NRXN3: variants seen among roughly 807,000 people sequenced by gnomAD.
The protein encoded by NRXN3 is neurexin 3, also known as neurexin III.
Under a neutral mutation model 137.6 loss-of-function variants are expected in NRXN3, and 32 were observed. The ratio of observed to expected loss-of-function variants is 0.23; its 90% CI spans 0.18 to 0.31. The LOEUF (loss-of-function observed/expected upper bound fraction) is 0.31. NRXN3 is among the 10% of genes least tolerant of loss of function. The probability of loss-of-function intolerance (pLI) is 1.00; values close to 1 mark genes in which losing one functional copy is unlikely to be tolerated. For synonymous variants in NRXN3, 798 were observed against 784.5 expected, an observed-to-expected ratio of 1.02 and a Z score of -0.29; for missense variants, 1,574 against 2,062.5, an observed-to-expected ratio of 0.76 and a Z score of 4.59.
At chr14:78,992,470 G>A (rs1016483400) in intron 15 of NRXN3, among the ~76,000 whole-genome samples, 1 of 152,174 alleles carries the variant, frequency 6.6e-6, no homozygotes, top group Non-Finnish European at 1.5e-5. Context: ...GTTCTTATTA[G>A]TATTTTAAAT....
At position 78,776,044 on chromosome 14, in the gene NRXN3, G is replaced by C. The variant is rs192211699; in HGVS notation, c.2045-27576G>C. On this transcript the variant is annotated intron_variant, in intron 8 of 20. Transcript: ENST00000335750. ...TTCACCAAGAACCAATGTTATATAT[G>C]ATCCAAGAGTCCACTTCAGTCACAC... Among the ~76,000 whole-genome samples the C allele has an allele frequency of 1.9e-4, 29 of 152,208 alleles. No homozygotes were observed. The East Asian group carries it at 5.6e-3, about 29-fold the overall frequency.
chr14:79,181,681 C>CAA (rs10658164), intron 15 of NRXN3, among the ~76,000 whole-genome samples: 33,060 of 97,108 alleles, frequency 0.34, 4,990 homozygotes, highest in Middle Eastern at 0.43. Flanking sequence ...GACCCTGTCT[C>CAA]AAAAAAAAAA....
At chr14:78,345,585 G>A (rs537771682) in intron 4 of NRXN3, among the ~76,000 whole-genome samples, 1 of 152,186 alleles carries the variant, frequency 6.6e-6, no homozygotes, top group East Asian at 1.9e-4. Flanking sequence ...CTTAACTGTG[G>A]GACTTAGGGA....
At position 78,200,839 on chromosome 14, in the gene NRXN3, A is replaced by G. The variant is rs151215619; in HGVS notation, c.-704+30165A>G. ...TTCCCCAGACTTCAGTGGGAGATCT[A>G]TTGTTTGATCATGGGGTTTGGCAGG... is the stretch of plus-strand genomic sequence containing the variant. On this transcript the variant is annotated intron_variant, in intron 1 of 20. Transcript: ENST00000335750. Among the ~76,000 whole-genome samples the G allele has an allele frequency of 1.0e-3, 159 of 152,208 alleles. 1 individual carries two copies. The highest frequency in any genetic ancestry group is 3.4e-3 in the Middle Eastern group (1 of 294).
chr14:78,434,180 G>A (rs912890124), intron 4 of NRXN3, among the ~76,000 whole-genome samples: 5 of 152,158 alleles, frequency 3.3e-5, no homozygotes, highest in Admixed American at 1.3e-4. Context: ...TCAAAGTAAG[G>A]TGACTACTGA....
chr14:78,632,659 CT>C (rs1408005849), intron 4 of NRXN3, among the ~76,000 whole-genome samples: 13 of 151,996 alleles, frequency 8.6e-5, no homozygotes, highest in Admixed American at 8.5e-4. Context: ...TTTCACAGGG[CT>C]TTTGTGAGGG....
intron 14 of NRXN3, among the ~76,000 whole-genome samples, chr14:78,987,267 G>A (rs2153065969): frequency 6.6e-6 from 1 of 152,182 alleles, no homozygotes; most frequent in South Asian, 2.1e-4. Flanking sequence ...CACTGGTATA[G>A]TCCACAGCAT....
intron 4 of NRXN3, among the ~76,000 whole-genome samples, chr14:78,379,352 A>G (rs1266604480): frequency 6.6e-6 from 1 of 152,220 alleles, no homozygotes. Flanking sequence ...AATATGACAC[A>G]CAATCTTTAA....
intron 4 of NRXN3, among the ~76,000 whole-genome samples, chr14:78,361,536 T>C (rs142187290): frequency 2.8e-4 from 42 of 152,338 alleles, no homozygotes; most frequent in African/African-American, 9.4e-4. Context: ...AGATCTCTTG[T>C]GCTATATTGA....
intron 4 of NRXN3, among the ~76,000 whole-genome samples, chr14:78,637,831 A>C (rs1245877495): frequency 6.6e-6 from 1 of 152,224 alleles, no homozygotes; most frequent in Non-Finnish European, 1.5e-5. Context: ...AATGTCAGCT[A>C]ATGATTTATA....
intron 1 of NRXN3, among the ~76,000 whole-genome samples, chr14:78,170,952 CTT>C (rs545853025): frequency 0.043 from 5,403 of 126,056 alleles, 106 homozygotes; most frequent in Non-Finnish European, 0.05. Flanking sequence ...TCTTCTTCTT[CTT>C]TTTTTTTTTT....
intron 1 of NRXN3, among the ~76,000 whole-genome samples, chr14:78,189,542 C>T (rs1010096698): frequency 3.3e-5 from 5 of 152,146 alleles, no homozygotes; most frequent in African/African-American, 1.2e-4. Context: ...CTCTCTGATC[C>T]CAGTCCCACC....
intron 4 of NRXN3, among the ~76,000 whole-genome samples, chr14:78,483,146 C>G (rs2095501338): frequency 6.6e-6 from 1 of 152,140 alleles, no homozygotes. Context: ...GTGATCATGA[C>G]TATTATCACA....
chr14:78,967,000 G>C (rs2099418814), intron 12 of NRXN3, among the ~76,000 whole-genome samples: 1 of 152,150 alleles, frequency 6.6e-6, no homozygotes, highest in South Asian at 2.1e-4. Flanking sequence ...TGTTAATGAA[G>C]TGGACTCGAT....
intron 19 of NRXN3, among the ~76,000 whole-genome samples, chr14:79,801,954 A>G (rs2099183029): frequency 6.6e-6 from 1 of 151,876 alleles, no homozygotes; most frequent in East Asian, 1.9e-4. Flanking sequence ...CCTAAACCAC[A>G]GGGGAGAGAA....
At position 79,317,157 on chromosome 14, in the gene NRXN3, G is replaced by A. The variant is rs188736621; in HGVS notation, c.3263-150064G>A. Among the ~76,000 whole-genome samples the A allele has an allele frequency of 4.5e-3, 678 of 152,130 alleles. 3 individuals carry two copies. Among genetic ancestry groups the A allele is most frequent in the South Asian group, 0.019 (92 of 4,802 alleles). On this transcript the variant is annotated intron_variant, in intron 15 of 20. Coordinates refer to ENST00000335750, the MANE Select transcript of NRXN3 (RefSeq NM_001330195.2). ...TGAGGCAGGATAATTGCTTGAACCC[G>A]GGAGGTGGAGGTTGCAGTGAGCTGA... is the stretch of plus-strand genomic sequence containing the variant.
rs1239878267 is a variant in NRXN3 at position 79,045,362 on chromosome 14, G to A, written c.3262+57221G>A. 3.9e-5 allele frequency among the ~76,000 whole-genome samples: 6 copies of A among 152,244 alleles called. No homozygotes were observed. In the South Asian group the frequency reaches 6.2e-4, roughly 16 times the overall value. ...AAGGCCAATCCTGATCCTAGGCACT[G>A]CACCTTCCTGTTTGCCAGAGGTATG... is the stretch of plus-strand genomic sequence containing the variant. On this transcript the variant is annotated intron_variant, in intron 15 of 20. Coordinates refer to ENST00000335750, the MANE Select transcript of NRXN3 (RefSeq NM_001330195.2).
intron 15 of NRXN3, among the ~76,000 whole-genome samples, chr14:79,026,923 G>GTATA (rs138279840): frequency 0.47 from 62,972 of 135,178 alleles, 16,621 homozygotes; most frequent in East Asian, 0.79. Context: ...AGAAAAAAAA[G>GTATA]TATATATATA....
At chr14:78,568,760 C>T (rs1239309345) in intron 4 of NRXN3, among the ~76,000 whole-genome samples, 2 of 152,030 alleles carry the variant, frequency 1.3e-5, no homozygotes, top group Non-Finnish European at 2.9e-5. Flanking sequence ...TCCTAAAGTT[C>T]ATCATGTGGC....
Sources: gnomAD v4.1 joint callset for allele counts (sites outside exome capture counted in the v4.1 genomes callset) on GRCh38, gnomAD v4.1.1 for gene constraint, MANE v1.5 for transcripts, NCBI Gene and HGNC (gene_info 2026-07-23, HGNC 2026-07-21) for gene names.